Variants in PCDHGA7 observed in about 807,000 individuals in gnomAD.
The protein encoded by PCDHGA7 is protocadherin gamma subfamily A, 7, also known as protocadherin gamma-A7.
In PCDHGA7, 44 loss-of-function variants were observed where a neutral mutation model predicts 58.3. That is an observed-to-expected ratio of 0.75 (90% CI 0.59 to 0.97). The LOEUF (loss-of-function observed/expected upper bound fraction) is 0.97. Among genes scored for constraint, PCDHGA7 ranks in the 50% least tolerant of loss-of-function variants. The probability of loss-of-function intolerance (pLI) is 0.00; values close to 1 mark genes in which losing one functional copy is unlikely to be tolerated. For synonymous variants in PCDHGA7, 516 were observed against 504.2 expected, an observed-to-expected ratio of 1.02 and a Z score of -0.31; for missense variants, 1,266 against 1,188.7, an observed-to-expected ratio of 1.06 and a Z score of -0.96.
At position 141,485,402 on chromosome 5, in the gene PCDHGA7, G is replaced by T. The variant is rs375700791; in HGVS notation, c.2425-9405G>T. ...AGAGGTGAACCAAAGACACTTCCGTGTGGATTTGGACAGCGGAGCCCTGCT... is the reference window on the plus strand; with the variant it reads ...AGAGGTGAACCAAAGACACTTCCGTTTGGATTTGGACAGCGGAGCCCTGCT... On this transcript the variant is annotated intron_variant, in intron 1 of 3. Coordinates refer to ENST00000518325, the MANE Select transcript of PCDHGA7 (RefSeq NM_018920.4). This position sits in a 1 kb window ranked among gnomAD's most constrained non-coding sequence, Gnocchi z 5.7. The T allele has an allele frequency of 6.2e-7, 1 of 1,614,194 alleles. No homozygotes were observed. Among genetic ancestry groups the T allele is most frequent in the East Asian group, 2.2e-5 (1 of 44,878 alleles).
At chr5:141,446,985 C>T (rs1411339328) in intron 1 of PCDHGA7, among the ~76,000 whole-genome samples, 1 of 152,064 alleles carries the variant, frequency 6.6e-6, no homozygotes, top group Non-Finnish European at 1.5e-5. Context: ...AATTCATACT[C>T]CACTCTTCAG....
In PCDHGA7 at chr5:141,489,120, G is replaced by C; in HGVS notation, c.2425-5687G>C. The C allele has an allele frequency of 1.1e-5, 5 of 445,662 alleles. No homozygotes were observed. Among genetic ancestry groups the C allele is most frequent in the East Asian group, 3.8e-5 (1 of 26,010 alleles). The allele number at this position is 445,662 out of a possible 1,614,324, so 27.6% of individuals were successfully genotyped here. ...AACTGCTGCAAGCAGGCAAACCTCC[G>C]AGCAGTTTTTAAGAGGCTGGAAGGA... On this transcript the variant is annotated intron_variant, in intron 1 of 3. Transcript: ENST00000518325. This position sits in a 1 kb window ranked among gnomAD's most constrained non-coding sequence, Gnocchi z 4.5.
At chr5:141,471,506 G>A (rs2099258630) in intron 1 of PCDHGA7, 1 of 152,214 alleles carries the variant, frequency 6.6e-6, no homozygotes, top group South Asian at 2.1e-4. Flanking sequence ...GCAAGAGAGG[G>A]AGTAAAAATA....
intron 1 of PCDHGA7, among the ~76,000 whole-genome samples, chr5:141,459,755 G>A (rs1383912891): frequency 2.0e-5 from 3 of 152,182 alleles, no homozygotes; most frequent in African/African-American, 7.2e-5. Flanking sequence ...CAATTCTAGT[G>A]GGTGTGTGAT....
At chr5:141,433,204 C>A in intron 1 of PCDHGA7, 1 of 1,566,946 alleles carries the variant, frequency 6.4e-7, no homozygotes, top group Non-Finnish European at 8.6e-7. Flanking sequence ...ATCAAATCTT[C>A]TTTCTTTTTT....
intron 1 of PCDHGA7, chr5:141,415,400 C>T (rs754292889): frequency 2.5e-6 from 4 of 1,614,228 alleles, no homozygotes; most frequent in South Asian, 1.1e-5. Flanking sequence ...GTGTCCGGCT[C>T]GCACTTTGTG....
intron 1 of PCDHGA7, chr5:141,423,599 C>T (rs1185412610): frequency 6.2e-7 from 1 of 1,612,844 alleles, no homozygotes; most frequent in Non-Finnish European, 8.5e-7. Context: ...AAAAGCGAGC[C>T]ACTCTTGATA....
intron 1 of PCDHGA7, chr5:141,414,717 C>T: frequency 6.2e-7 from 1 of 1,614,152 alleles, no homozygotes; most frequent in Non-Finnish European, 8.5e-7. Flanking sequence ...TCAACTCAGA[C>T]ACTGGCGTCC....
chr5:141,437,719 TA>T (rs1316054877), intron 1 of PCDHGA7, among the ~76,000 whole-genome samples: 1 of 151,332 alleles, frequency 6.6e-6, no homozygotes, highest in African/African-American at 2.4e-5. Context: ...AGTTACCCTC[TA>T]ATGTTACACT....
At chr5:141,408,851 G>C in intron 1 of PCDHGA7, 1 of 1,613,574 alleles carries the variant, frequency 6.2e-7, no homozygotes, top group Non-Finnish European at 8.5e-7. Flanking sequence ...TGCCTTGGAC[G>C]GAGGGGACCC....
intron 1 of PCDHGA7, among the ~76,000 whole-genome samples, chr5:141,462,264 G>A (rs966953621): frequency 1.3e-5 from 2 of 152,174 alleles, no homozygotes; most frequent in African/African-American, 4.8e-5. Context: ...CCAGCCTAAA[G>A]TGTATTGTTT....
At chr5:141,473,450 T>A (rs2099322542) in intron 1 of PCDHGA7, among the ~76,000 whole-genome samples, 2 of 152,150 alleles carry the variant, frequency 1.3e-5, no homozygotes, top group South Asian at 4.1e-4. Flanking sequence ...AAAATAATTA[T>A]AAAATTTAAA....
chr5:141,485,387 C>T lies in PCDHGA7; in HGVS notation c.2425-9420C>T. The T allele has an allele frequency of 6.2e-7, 1 of 1,614,078 alleles. No homozygotes were observed. Among genetic ancestry groups the T allele is most frequent in the Non-Finnish European group, 8.5e-7 (1 of 1,179,994 alleles). On this transcript the variant is annotated intron_variant, in intron 1 of 3. Coordinates refer to ENST00000518325, the MANE Select transcript of PCDHGA7 (RefSeq NM_018920.4). This position sits in a 1 kb window ranked among gnomAD's most constrained non-coding sequence, Gnocchi z 5.7. ...GCTGCAGGTCGCTGGAGAGGTGAAC[C>T]AAAGACACTTCCGTGTGGATTTGGA...
At chr5:141,453,475 A>C (rs2098766452) in intron 1 of PCDHGA7, among the ~76,000 whole-genome samples, 1 of 151,996 alleles carries the variant, frequency 6.6e-6, no homozygotes, top group Non-Finnish European at 1.5e-5. Context: ...ATAAAGTCAA[A>C]ACTATTAAAA....
At chr5:141,418,029 G>A (rs775326655) in intron 1 of PCDHGA7, 1 of 1,614,022 alleles carries the variant, frequency 6.2e-7, no homozygotes, top group Non-Finnish European at 8.5e-7. Context: ...CTAGGGCTTA[G>A]TGTCCTGGAT....
chr5:141,472,371 C>G (rs2099278632), intron 1 of PCDHGA7, among the ~76,000 whole-genome samples: 1 of 151,944 alleles, frequency 6.6e-6, no homozygotes, highest in Admixed American at 6.6e-5. Flanking sequence ...GAAACCCCGT[C>G]TCCACTAAAA....
chr5:141,395,218 A>G, intron 1 of PCDHGA7: 2 of 1,612,142 alleles, frequency 1.2e-6, no homozygotes, highest in Non-Finnish European at 1.7e-6. Flanking sequence ...GAATATAAGA[A>G]TGAAGCTGAT....
At chr5:141,388,261 T>G (rs1439243738) in intron 1 of PCDHGA7, 1 of 1,611,348 alleles carries the variant, frequency 6.2e-7, no homozygotes, top group East Asian at 2.2e-5. Context: ...ATCGAGGACA[T>G]TAATGACCAC....
At chr5:141,414,497 A>C (rs757597548) in intron 1 of PCDHGA7, 4 of 1,613,922 alleles carry the variant, frequency 2.5e-6, no homozygotes, top group Non-Finnish European at 3.4e-6. Context: ...ACGGAAGCTC[A>C]CTTTATGCTA....
Sources: allele counts gnomAD v4.1 joint callset (sites outside exome capture counted in the v4.1 genomes callset), GRCh38; gene constraint gnomAD v4.1.1; non-coding constraint Gnocchi (gnomAD v3.1); transcripts MANE v1.5; gene names NCBI Gene and HGNC (gene_info 2026-07-23, HGNC 2026-07-21).